The following ASAP2 variants were observed in gnomAD, a reference collection of about 807,000 sequenced individuals.
ASAP2 encodes ArfGAP with SH3 domain, ankyrin repeat and PH domain 2.
Under a neutral mutation model 131.4 loss-of-function variants are expected in ASAP2, and 45 were observed. The ratio of observed to expected loss-of-function variants is 0.34; its 90% CI spans 0.27 to 0.44. The LOEUF (loss-of-function observed/expected upper bound fraction) is 0.44, where lower values mean the gene tolerates loss of function less well. Ranked by LOEUF, ASAP2 falls within the 20% of genes least tolerant of loss-of-function variation. The pLI is 1.00. For synonymous variants in ASAP2, 510 were observed against 503.0 expected (o/e 1.01, Z -0.19); for missense variants, 1,011 against 1,297.0 (o/e 0.78, Z 3.39).
At position 9,388,516 on chromosome 2, in the gene ASAP2, C is replaced by T. The variant is rs1167472410; in HGVS notation, c.2353C>T (p.Pro785Ser). Residue 785 changes from proline to serine, a missense_variant, in exon 22 of 28, where the codon CCC becomes TCC. By Grantham distance (74) the Pro-to-Ser change is moderately conservative. Around this residue, in one of 2 missense-constraint regions of ASAP2, gnomAD observed 652 missense variants for 698.9 expected, o/e 0.93. Transcript: ENST00000281419. Reference protein sequence around the residue: ...QPAAPSTTSAPPLPPRNVGKV... With the variant: ...QPAAPSTTSASPLPPRNVGKV... Reference sequence around the variant, plus strand: ...TGCAGCCCCCAGCACCACCAGCGCCCCCCCGCTTCCTCCACGGAATGTTGG... The same window carrying T: ...TGCAGCCCCCAGCACCACCAGCGCCTCCCCGCTTCCTCCACGGAATGTTGG... 3.1e-6 allele frequency: 5 copies of T among 1,613,320 alleles called. No homozygotes were observed. The highest frequency in any genetic ancestry group is 3.4e-6 in the Non-Finnish European group (4 of 1,179,786).
chr2:9,286,447 A>AAAAAAAATATATATATATAT (rs58605449), intron 2 of ASAP2, among the ~76,000 whole-genome samples: 7 of 148,418 alleles, frequency 4.7e-5, no homozygotes, highest in African/African-American at 1.5e-4. Context: ...GAAAAAAAAA[A>AAAAAAAATATATATATATAT]ATATATATAT....
chr2:9,325,582 G>A (rs549650818), intron 6 of ASAP2, among the ~76,000 whole-genome samples: 171 of 152,352 alleles, frequency 1.1e-3, no homozygotes, highest in African/African-American at 4.0e-3. Flanking sequence ...CATTCAAGTA[G>A]TATGTGAAGG....
At chr2:9,313,511 C>T (rs1245382361) in intron 3 of ASAP2, among the ~76,000 whole-genome samples, 2 of 152,156 alleles carry the variant, frequency 1.3e-5, no homozygotes, top group Non-Finnish European at 2.9e-5. Context: ...AACTTTCTTC[C>T]CCACAACCCA....
chr2:9,254,254 T>TACACACAC (rs1186415582), intron 1 of ASAP2, among the ~76,000 whole-genome samples: 23 of 65,730 alleles, frequency 3.5e-4, no homozygotes, highest in African/African-American at 5.2e-4. Flanking sequence ...TATATATATA[T>TACACACAC]ACACGTGTGT....
intron 17 of ASAP2, among the ~76,000 whole-genome samples, chr2:9,375,587 T>G (rs1354547779): frequency 6.6e-6 from 1 of 152,208 alleles, no homozygotes; most frequent in Non-Finnish European, 1.5e-5. Context: ...AAATAGACGC[T>G]ATGTAGTCTT....
intron 3 of ASAP2, 71 bp downstream of exon 3, chr2:9,297,516 G>T: frequency 6.4e-7 from 1 of 1,554,904 alleles, no homozygotes; most frequent in South Asian, 1.2e-5. Flanking sequence ...GGATAGTTAT[G>T]GTTTGTTTGA....
intron 1 of ASAP2, among the ~76,000 whole-genome samples, chr2:9,214,596 A>G (rs1396376818): frequency 6.6e-6 from 1 of 151,794 alleles, no homozygotes; most frequent in East Asian, 1.9e-4. Context: ...AATGTCTTGG[A>G]ATAAACAGAC....
At chr2:9,298,940 C>A (rs956296206) in intron 3 of ASAP2, among the ~76,000 whole-genome samples, 1 of 151,982 alleles carries the variant, frequency 6.6e-6, no homozygotes. Flanking sequence ...GAAAGAAGGC[C>A]AGGGACACAA....
chr2:9,361,273 A>T (rs1282247579), intron 15 of ASAP2, among the ~76,000 whole-genome samples: 1 of 152,230 alleles, frequency 6.6e-6, no homozygotes, highest in Non-Finnish European at 1.5e-5. Context: ...AAGTAGAGAC[A>T]GCAGTGAATT....
At chr2:9,216,862 G>A (rs982826804) in intron 1 of ASAP2, among the ~76,000 whole-genome samples, 1 of 152,114 alleles carries the variant, frequency 6.6e-6, no homozygotes, top group African/African-American at 2.4e-5. Context: ...CCCTCCCAAA[G>A]TGCTGGTATT....
At chr2:9,261,466 A>C (rs1017784484) in intron 1 of ASAP2, among the ~76,000 whole-genome samples, 1 of 152,210 alleles carries the variant, frequency 6.6e-6, no homozygotes, top group African/African-American at 2.4e-5. Context: ...AGTAAAGATA[A>C]TGGAAGTAAA....
chr2:9,266,133 G>A (rs1233936560), intron 1 of ASAP2, among the ~76,000 whole-genome samples: 16 of 148,062 alleles, frequency 1.1e-4, no homozygotes, highest in Non-Finnish European at 1.5e-5. Flanking sequence ...TTATAAAAAC[G>A]ATTGCCTTTT....
At position 9,217,754 on chromosome 2, in the gene ASAP2, A is replaced by G. The variant is rs939912426; in HGVS notation, c.126+10524A>G. Among the ~76,000 whole-genome samples, 4 of 151,700 alleles carry G rather than the reference A, an allele frequency of 2.6e-5. No individual in the cohort carries two copies. The highest frequency in any genetic ancestry group is 9.7e-5 in the African/African-American group (4 of 41,280). ...CTCCGCCTCCCGAGTAGCTGGGACT[A>G]CAGGCGCCTGCCACCACGCCCGGCT... On this transcript the variant is annotated intron_variant, in intron 1 of 27. Transcript: ENST00000281419. This position sits in a 1 kb window ranked among gnomAD's most constrained non-coding sequence, Gnocchi z 4.0.
chr2:9,387,093 A>T (rs1442165558), intron 21 of ASAP2, among the ~76,000 whole-genome samples: 1 of 150,408 alleles, frequency 6.6e-6, no homozygotes, highest in Non-Finnish European at 1.5e-5. Context: ...GGGCGCCTGT[A>T]GTCCCAGCTA....
rs561420811 is a variant in ASAP2 at position 9,385,592 on chromosome 2, A to G, written c.2130+234A>G. Among the ~76,000 whole-genome samples, 4 of 152,298 alleles carry G rather than the reference A, an allele frequency of 2.6e-5. No homozygotes were observed. The South Asian group carries it at 8.3e-4, about 32-fold the overall frequency. On this transcript the variant is annotated intron_variant, in intron 21 of 27. Coordinates refer to ENST00000281419, the MANE Select transcript of ASAP2 (RefSeq NM_003887.3). The stretch of plus-strand genomic sequence containing the variant: ...AATGGCTAATTATGTACTTATAGGC[A>G]GCCTTTTGCTACAAAGGAAAGGTGT...
intron 9 of ASAP2, among the ~76,000 whole-genome samples, chr2:9,342,611 A>G (rs919083075): frequency 6.6e-6 from 1 of 152,282 alleles, no homozygotes; most frequent in Non-Finnish European, 1.5e-5. Context: ...AGTTTCTTAG[A>G]TAGCACCCTT....
intron 1 of ASAP2, among the ~76,000 whole-genome samples, chr2:9,211,176 G>A (rs931513259): frequency 2.0e-5 from 3 of 150,876 alleles, no homozygotes; most frequent in African/African-American, 7.3e-5. Flanking sequence ...AAAAAAGTTT[G>A]TTGTCCTGGC....
chr2:9,332,683 C>T (rs1357968512), intron 7 of ASAP2, among the ~76,000 whole-genome samples: 1 of 152,168 alleles, frequency 6.6e-6, no homozygotes, highest in Non-Finnish European at 1.5e-5. Flanking sequence ...GCTCCCTCTC[C>T]CTGGGTGGTT....
chr2:9,398,408 G>A (rs539404217), intron 24 of ASAP2, among the ~76,000 whole-genome samples: 5 of 152,176 alleles, frequency 3.3e-5, no homozygotes, highest in African/African-American at 1.2e-4. Context: ...CTACTCAGGA[G>A]GCTGAAGCGG....
Sources: allele counts gnomAD v4.1 joint callset (sites outside exome capture counted in the v4.1 genomes callset), GRCh38; gene constraint gnomAD v4.1.1; regional missense constraint gnomAD v4.1.1; non-coding constraint Gnocchi (gnomAD v3.1); transcripts MANE v1.5; gene names NCBI Gene and HGNC (gene_info 2026-07-23, HGNC 2026-07-21).